Variants in SFMBT2 observed in about 807,000 individuals in gnomAD.
SFMBT2 encodes the protein scm-like with four MBT domains protein 2.
In SFMBT2, 38 loss-of-function variants were observed where a neutral mutation model predicts 110.1. That is an observed-to-expected ratio of 0.35 (90% CI 0.27 to 0.45). The LOEUF is 0.45. Among genes scored for constraint, SFMBT2 ranks in the 20% least tolerant of loss-of-function variants. The probability of loss-of-function intolerance (pLI) is 1.00; values close to 1 mark genes in which losing one functional copy is unlikely to be tolerated. For missense variants in SFMBT2, 1,011 were observed against 1,094.9 expected (o/e 0.92, Z 1.08); for synonymous variants, 425 against 425.4 (o/e 1.00, Z 0.01).
At chr10:7,326,349 C>T (rs754264091) in intron 4 of SFMBT2, among the ~76,000 whole-genome samples, 11 of 152,216 alleles carry the variant, frequency 7.2e-5, no homozygotes, top group Non-Finnish European at 1.0e-4. Flanking sequence ...GTATGGGGCT[C>T]TTCCAGGCGC....
Position 7,344,517 on chromosome 10 carries a change from G to C in SFMBT2, c.436+23132C>G, listed in dbSNP as rs377630794. Among the ~76,000 whole-genome samples the C allele has an allele frequency of 7.9e-5, 12 of 152,244 alleles. No individual in the cohort carries two copies. The East Asian group carries it at 2.3e-3, about 29-fold the overall frequency. On this transcript the variant is annotated intron_variant, in intron 4 of 20. Transcript: ENST00000397167. Reference sequence around the variant, plus strand: ...GGCTTCCCCAGCTATGTGGAATTGTGAGTCCATTAAACCCTTTTTTTCTAT... The same window carrying C: ...GGCTTCCCCAGCTATGTGGAATTGTCAGTCCATTAAACCCTTTTTTTCTAT...
chr10:7,368,074 A>C (rs1844959772), intron 3 of SFMBT2, among the ~76,000 whole-genome samples, 185 bp from the exon 4 acceptor site: 1 of 152,252 alleles, frequency 6.6e-6, no homozygotes. Flanking sequence ...TTACATTTGC[A>C]GCCAGCCACG....
intron 9 of SFMBT2, chr10:7,241,385 T>TACTC: frequency 1.1e-6 from 1 of 941,392 alleles, no homozygotes. Flanking sequence ...TAGCCACCAT[T>TACTC]ACTCAATATT....
At chr10:7,311,179 T>C (rs1842848135) in intron 4 of SFMBT2, among the ~76,000 whole-genome samples, 1 of 151,490 alleles carries the variant, frequency 6.6e-6, no homozygotes, top group African/African-American at 2.4e-5. Flanking sequence ...GATGTCCCAT[T>C]ATACAATCCA....
rs541461321 is a variant in SFMBT2, at chr10:7,239,149, G to A, written c.1120+4409C>T. On this transcript the variant is annotated intron_variant, in intron 9 of 20. Coordinates refer to ENST00000397167, the MANE Select transcript of SFMBT2 (RefSeq NM_001387889.1). ...TTGCATATATTTCTCCTACACCACC[G>A]GAAGTCTTTCATTTCAACAGCTGCT... Among the ~76,000 whole-genome samples the A allele has an allele frequency of 1.1e-4, 17 of 152,114 alleles. No homozygotes were observed. The South Asian group carries it at 2.1e-3, about 19-fold the overall frequency.
At chr10:7,376,371 C>T (rs368091391) in intron 2 of SFMBT2, among the ~76,000 whole-genome samples, 18 of 152,144 alleles carry the variant, frequency 1.2e-4, no homozygotes, top group African/African-American at 4.3e-4. Flanking sequence ...ATTTCATTTA[C>T]AGGACTTGGG....
In SFMBT2 at chr10:7,376,255, G is replaced by A. The variant is rs368547655; in HGVS notation, c.100+5544C>T. ...GTCCCCTGGGATGATGCTGTCTATG[G>A]TGTCTGCTGGGGAGGCCACAGATCC... On this transcript the variant is annotated intron_variant, in intron 2 of 20. Coordinates refer to ENST00000397167, the MANE Select transcript of SFMBT2 (RefSeq NM_001387889.1). Among the ~76,000 whole-genome samples the A allele has an allele frequency of 7.2e-5, 11 of 152,212 alleles. No homozygotes were observed. In the East Asian group the frequency reaches 1.9e-3, roughly 27 times the overall value.
In SFMBT2 at chr10:7,408,954, C is replaced by A. The variant is rs953884788; in HGVS notation, c.-52+1907G>T. Among the ~76,000 whole-genome samples the A allele has an allele frequency of 2.6e-5, 4 of 152,132 alleles. No homozygotes were observed. The highest frequency in any genetic ancestry group is 6.5e-5 in the Admixed American group (1 of 15,272). On this transcript the variant is annotated intron_variant, in intron 1 of 20. Transcript: ENST00000397167. This position sits in a 1 kb window ranked among gnomAD's most constrained non-coding sequence, Gnocchi z 5.7. The stretch of plus-strand genomic sequence containing the variant: ...GAGGGTTCCTAAGCCGAGCAAGGGA[C>A]AATTTCTTCCCCAAACGCTGTCCCC...
chr10:7,218,656 A>G (rs545689815), intron 11 of SFMBT2, among the ~76,000 whole-genome samples: 3 of 152,334 alleles, frequency 2.0e-5, no homozygotes, highest in Middle Eastern at 3.4e-3. Context: ...ATCGGACATG[A>G]GCTGACTTCT....
Position 7,202,697 on chromosome 10 carries a change from C to T in SFMBT2, c.1445-175G>A, listed in dbSNP as rs1273835364. On this transcript the variant is annotated intron_variant, in intron 12 of 20. Transcript: ENST00000397167. The stretch of plus-strand genomic sequence containing the variant: ...TCAGTTTCTTCTAGCATAGGATAGA[C>T]GTTAACTCACCAGATGTCAGATCTT... The T allele has an allele frequency of 4.1e-5, 40 of 985,220 alleles. No homozygotes were observed. The Admixed American group carries it at 2.4e-3, about 59-fold the overall frequency. The allele number at this position is 985,220 out of a possible 1,614,324, so 61.0% of individuals were successfully genotyped here. A position where few individuals can be genotyped will look rare whatever the true frequency, so the allele number is the denominator to read the frequency against.
chr10:7,280,165 T>C (rs1303480920), intron 6 of SFMBT2, among the ~76,000 whole-genome samples: 2 of 152,136 alleles, frequency 1.3e-5, no homozygotes, highest in East Asian at 3.8e-4. Flanking sequence ...TCCTGGGACC[T>C]CAACTACACT....
chr10:7,241,324 T>C (rs1840423948), intron 9 of SFMBT2: 2 of 982,724 alleles, frequency 2.0e-6, no homozygotes, highest in Non-Finnish European at 1.2e-6. Context: ...TTACCACTTC[T>C]TGAATGCTTT....
intron 4 of SFMBT2, among the ~76,000 whole-genome samples, chr10:7,300,745 T>A (rs764034467): frequency 2.0e-5 from 3 of 152,242 alleles, no homozygotes; most frequent in African/African-American, 7.2e-5. Context: ...TAATAAACAA[T>A]TGGCAAATGC....
chr10:7,263,201 A>C (rs979981709), intron 7 of SFMBT2, among the ~76,000 whole-genome samples: 1 of 151,854 alleles, frequency 6.6e-6, no homozygotes, highest in Non-Finnish European at 1.5e-5. Context: ...TCTGCTAACA[A>C]AATCACCTAC....
At chr10:7,370,614 G>C (rs568090042) in intron 2 of SFMBT2, among the ~76,000 whole-genome samples, 1 of 152,310 alleles carries the variant, frequency 6.6e-6, no homozygotes, top group Admixed American at 6.5e-5. Flanking sequence ...GTAACACTGG[G>C]TTCTCTGGGG....
chr10:7,339,378 A>G (rs1843820556), intron 4 of SFMBT2, among the ~76,000 whole-genome samples: 2 of 152,244 alleles, frequency 1.3e-5, no homozygotes, highest in Admixed American at 1.3e-4. Context: ...GATGCTTTGT[A>G]ACTTCTCTTT....
rs140571552 is a variant in SFMBT2, at chr10:7,285,893, C to T, written c.498G>A (p.Arg166=). 1 of 872,614 alleles carries T rather than the reference C, an allele frequency of 1.1e-6. No individual in the cohort carries two copies. Among genetic ancestry groups the T allele is most frequent in the East Asian group, 2.4e-5 (1 of 41,700 alleles). 54.1% of individuals were successfully genotyped at this position (872,614 alleles called of 1,614,324 possible). The change falls in exon 5 of 21, where the codon AGG becomes AGA. Residue 166 remains arginine, a synonymous_variant. Transcript: ENST00000397167. ...CTTCCAGGAGGTTGGCGGGTGCTGT[C>T]CTCGAACCAGTCAAGTCACGTATGA... is the stretch of plus-strand genomic sequence containing the variant. The part of the protein sequence containing the change: ...EFLIRDLTGS[R]TAPANLLEGP...
At chr10:7,307,619 C>T (rs552832782) in intron 4 of SFMBT2, among the ~76,000 whole-genome samples, 5 of 152,116 alleles carry the variant, frequency 3.3e-5, no homozygotes, top group South Asian at 2.1e-4. Context: ...CTGGTTTATC[C>T]GTATGGAGAA....
chr10:7,212,298 G>C (rs1239358867), intron 11 of SFMBT2, among the ~76,000 whole-genome samples: 1 of 152,238 alleles, frequency 6.6e-6, no homozygotes, highest in Non-Finnish European at 1.5e-5. Flanking sequence ...ATGGACTGCT[G>C]TATCTTAAAT....
Sources: gnomAD v4.1 joint callset for allele counts (sites outside exome capture counted in the v4.1 genomes callset) on GRCh38, gnomAD v4.1.1 for gene constraint, Gnocchi (gnomAD v3.1) non-coding constraint, MANE v1.5 for transcripts, NCBI Gene and HGNC (gene_info 2026-07-23, HGNC 2026-07-21) for gene names.